Variants in ABL2 observed in about 807,000 individuals in gnomAD.
ABL2 encodes the protein ABL proto-oncogene 2, non-receptor tyrosine kinase.
A neutral mutation model predicts 107.7 loss-of-function variants in ABL2; 49 were observed. The observed-to-expected ratio is 0.45, with a 90% CI of 0.36 to 0.58. The LOEUF (loss-of-function observed/expected upper bound fraction) is 0.58, where lower values mean the gene tolerates loss of function less well. Among genes scored for constraint, ABL2 ranks in the 20% least tolerant of loss-of-function variants. The pLI, the probability that ABL2 is intolerant of heterozygous loss-of-function variation, is 0.00. For synonymous variants in ABL2, 549 were observed against 548.6 expected (o/e 1.00, Z -0.01); for missense variants, 1,245 against 1,457.0 (o/e 0.85, Z 2.37).
intron 1 of ABL2, chr1:179,143,062 C>CAAAAGTT (rs1553223643): frequency 1.2e-6 from 2 of 1,612,812 alleles, no homozygotes. Context: ...CCCAGAAGCA[C>CAAAAGTT]AAAAGTTAAA....
chr1:179,193,804 T>G (rs1261786957), intron 1 of ABL2, among the ~76,000 whole-genome samples: 1 of 152,182 alleles, frequency 6.6e-6, no homozygotes, highest in Non-Finnish European at 1.5e-5. Context: ...CGATCTCGGC[T>G]CACTGCAAGC....
chr1:179,170,638 C>T (rs1429353589), intron 1 of ABL2, among the ~76,000 whole-genome samples: 1 of 152,002 alleles, frequency 6.6e-6, no homozygotes, highest in Non-Finnish European at 1.5e-5. Flanking sequence ...CTCTGTCACC[C>T]AGCTGGAGTG....
intron 1 of ABL2, among the ~76,000 whole-genome samples, chr1:179,194,528 T>C (rs1215092781): frequency 6.6e-6 from 1 of 152,206 alleles, no homozygotes; most frequent in Non-Finnish European, 1.5e-5. Context: ...AAACAATTTT[T>C]AAGGTATCAA....
At chr1:179,228,580 C>CA (rs1663363828) in intron 1 of ABL2, among the ~76,000 whole-genome samples, 1 of 152,146 alleles carries the variant, frequency 6.6e-6, no homozygotes, top group Admixed American at 6.5e-5. Flanking sequence ...CCAGCAATCT[C>CA]AGAATTGTGT....
intron 1 of ABL2, among the ~76,000 whole-genome samples, chr1:179,178,281 C>T (rs1660160598): frequency 6.6e-6 from 1 of 151,514 alleles, no homozygotes; most frequent in South Asian, 2.1e-4. Context: ...ACCTGCAGTC[C>T]CAGCTACTTG....
chr1:179,163,518 G>A (rs886239114), intron 1 of ABL2, among the ~76,000 whole-genome samples: 4 of 152,104 alleles, frequency 2.6e-5, no homozygotes, highest in Non-Finnish European at 5.9e-5. Flanking sequence ...AGGATGAGGC[G>A]GGTGGATCAC....
At chr1:179,112,490 ACACTTAT>A in intron 9 of ABL2, 92 bp from the exon 10 acceptor site, 3 of 915,612 alleles carry the variant, frequency 3.3e-6, no homozygotes, top group Non-Finnish European at 5.1e-6. Context: ...ATCATGATGC[ACACTTAT>A]TAAAGTACAG....
intron 1 of ABL2, among the ~76,000 whole-genome samples, chr1:179,140,477 CTTAT>C (rs929971316): frequency 5.9e-5 from 9 of 152,250 alleles, no homozygotes; most frequent in Middle Eastern, 3.4e-3. Flanking sequence ...GTATAATTTA[CTTAT>C]TTATTATTAT....
chr1:179,108,820 A>G lies in ABL2; in HGVS notation c.2447T>C (p.Val816Ala). 2 of 1,614,176 alleles carry G rather than the reference A, an allele frequency of 1.2e-6. No individual in the cohort carries two copies. The highest frequency in any genetic ancestry group is 1.7e-6 in the Non-Finnish European group (2 of 1,180,032). ...CTCTTCTGGCTGAGAAGAGGTGGAC[A>G]CTGTCCTTTCCAGCTGGAGTTTGGA... ...QRSKLQLERT[V>A]STSSQPEENV... The change falls in exon 12 of 12, where the codon GTG becomes GCG. Residue 816 changes from valine to alanine, a missense_variant. This residue lies in a region of ABL2 where 761 missense variants were observed against 766.4 expected (regional missense o/e 0.99). Coordinates refer to ENST00000502732, the MANE Select transcript of ABL2 (RefSeq NM_007314.4).
chr1:179,109,059 C>A lies in ABL2; in HGVS notation c.2208G>T (p.Gly736=). The A allele has an allele frequency of 6.2e-7, 1 of 1,605,298 alleles. No individual in the cohort carries two copies. The highest frequency in any genetic ancestry group is 2.2e-5 in the East Asian group (1 of 44,592). Residue 736 remains glycine (G), a synonymous_variant, in exon 12 of 12, where the codon GGG becomes GGT. Transcript: ENST00000502732. ...NLCNDDGGGG[G]GSGTAGGGWS... ...ACCCACCCCCAGCAGTGCCACTGCC[C>A]CCACCCCCACCACCGTCGTCATTAC...
chr1:179,225,342 G>A (rs1399062148), intron 1 of ABL2, among the ~76,000 whole-genome samples: 1 of 152,004 alleles, frequency 6.6e-6, no homozygotes, highest in Non-Finnish European at 1.5e-5. Context: ...GTAAACCCAA[G>A]AGTCTAACAG....
intron 1 of ABL2, among the ~76,000 whole-genome samples, chr1:179,226,596 C>T (rs1366840192): frequency 6.6e-6 from 1 of 152,036 alleles, no homozygotes; most frequent in Non-Finnish European, 1.5e-5. Context: ...CGTGAGCCAC[C>T]GCACCTGGCC....
intron 1 of ABL2, among the ~76,000 whole-genome samples, chr1:179,212,462 G>A (rs1419564078): frequency 2.0e-5 from 3 of 152,196 alleles, no homozygotes; most frequent in Non-Finnish European, 4.4e-5. Context: ...GCAGGGCATG[G>A]TGGCTCACAC....
At chr1:179,113,926 TC>T (rs1411288980) in intron 9 of ABL2, among the ~76,000 whole-genome samples, 3 of 133,768 alleles carry the variant, frequency 2.2e-5, no homozygotes, top group Non-Finnish European at 4.9e-5. Context: ...AGAGCGAGAC[TC>T]CGTCTCAAAA....
Position 179,131,248 on chromosome 1 carries a change from C to A in ABL2, c.391+63G>T, listed in dbSNP as rs1486161997. On this transcript the variant is annotated intron_variant, in intron 3 of 11. Transcript: ENST00000502732. ...TGTGAGCCACTGTGCCTGGCCAGGC[C>A]CCTTTATCTCTTAATCATTAATGAA... The A allele has an allele frequency of 1.9e-6, 3 of 1,552,290 alleles. No homozygotes were observed. The Admixed American group carries it at 5.4e-5, about 28-fold the overall frequency.
chr1:179,144,333 G>A (rs564922431), intron 1 of ABL2, among the ~76,000 whole-genome samples: 15 of 152,028 alleles, frequency 9.9e-5, no homozygotes, highest in East Asian at 7.8e-4. Context: ...GGTGGCGGGC[G>A]CCTGTAGTCC....
chr1:179,171,792 T>G (rs1571243705), intron 1 of ABL2, among the ~76,000 whole-genome samples: 1 of 152,220 alleles, frequency 6.6e-6, no homozygotes. Flanking sequence ...ATTACAGACA[T>G]GAGCCACCAT....
At chr1:179,142,353 A>T (rs1263876279) in intron 1 of ABL2, among the ~76,000 whole-genome samples, 5 of 152,228 alleles carry the variant, frequency 3.3e-5, no homozygotes, top group Non-Finnish European at 7.3e-5. Flanking sequence ...ACTTGTACAA[A>T]GTAAATTATC....
rs766464283 is a variant in ABL2 at position 179,110,422 on chromosome 1, G to A, written c.1685C>T (p.Ser562Leu). The change falls in exon 11 of 12, where the codon TCG becomes TTG. Residue 562 changes from serine (S) to leucine (L), a missense_variant. Physicochemically the swap from Ser to Leu is moderately radical, Grantham distance 145 (BLOSUM62 -2). This residue lies in a region of ABL2 where 761 missense variants were observed against 766.4 expected (regional missense o/e 0.99). Coordinates refer to ENST00000502732, the MANE Select transcript of ABL2 (RefSeq NM_007314.4). ...VAEELGRAAS[S>L]SSVVPYLPRL... ...GGGCAGGTATGGAACAACAGATGAC[G>A]AGGAGGCGGCTCTCCCAAGCTCCTC... The A allele has an allele frequency of 1.1e-5, 17 of 1,613,804 alleles. No individual in the cohort carries two copies. The highest frequency in any genetic ancestry group is 2.2e-5 in the South Asian group (2 of 91,016).
Sources: allele counts gnomAD v4.1 joint callset (sites outside exome capture counted in the v4.1 genomes callset), GRCh38; gene constraint gnomAD v4.1.1; regional missense constraint gnomAD v4.1.1; transcripts MANE v1.5; gene names NCBI Gene and HGNC (gene_info 2026-07-23, HGNC 2026-07-21).